Variants in EPHA7 observed in about 807,000 individuals in gnomAD.
EPHA7 encodes the protein ephrin type-A receptor 7.
In EPHA7, 25 loss-of-function variants were observed where a neutral mutation model predicts 112.6. That is an observed-to-expected ratio of 0.22 (90% confidence interval 0.16 to 0.31). The LOEUF (loss-of-function observed/expected upper bound fraction) is 0.31, where lower values mean the gene tolerates loss of function less well. Among genes scored for constraint, EPHA7 ranks in the 10% least tolerant of loss-of-function variants. The pLI is 1.00. For missense variants in EPHA7, 962 were observed against 1,212.6 expected (o/e 0.79, Z 3.07); for synonymous variants, 437 against 406.5 (o/e 1.07, Z -0.90).
chr6:93,259,270 T>G, intron 10 of EPHA7, 84 bp downstream of exon 10: 1 of 1,540,110 alleles, frequency 6.5e-7, no homozygotes, highest in Non-Finnish European at 8.9e-7. Context: ...ACTTGAGGGA[T>G]AATTATTTGC....
At chr6:93,349,052 T>C (rs1047915479) in intron 5 of EPHA7, among the ~76,000 whole-genome samples, 1 of 151,828 alleles carries the variant, frequency 6.6e-6, no homozygotes, top group African/African-American at 2.4e-5. Flanking sequence ...TGCAAACATA[T>C]GGGCCTTTAC....
At chr6:93,381,856 CA>C (rs1216772975) in intron 3 of EPHA7, among the ~76,000 whole-genome samples, 1 of 152,008 alleles carries the variant, frequency 6.6e-6, no homozygotes, top group Non-Finnish European at 1.5e-5. Context: ...CATCAGCAGT[CA>C]AATTTTTCAT....
chr6:93,358,160 A>G, intron 4 of EPHA7, 96 bp downstream of exon 4: 1 of 926,970 alleles, frequency 1.1e-6, no homozygotes, highest in Non-Finnish European at 1.5e-6. Flanking sequence ...ATAATTAAGA[A>G]TGTATCACAA....
chr6:93,413,721 T>G (rs1779089366), intron 2 of EPHA7, among the ~76,000 whole-genome samples: 1 of 152,028 alleles, frequency 6.6e-6, no homozygotes, highest in Admixed American at 6.5e-5. Flanking sequence ...ATGAAAACTC[T>G]AAATATCTTA....
At chr6:93,318,659 A>G (rs543959790) in intron 5 of EPHA7, among the ~76,000 whole-genome samples, 1 of 152,152 alleles carries the variant, frequency 6.6e-6, no homozygotes, top group African/African-American at 2.4e-5. Context: ...TTTGTTGTCT[A>G]TGGCATGACC....
At chr6:93,415,195 C>T (rs1254519958) in intron 1 of EPHA7, among the ~76,000 whole-genome samples, 1 of 151,830 alleles carries the variant, frequency 6.6e-6, no homozygotes, top group Non-Finnish European at 1.5e-5. Context: ...ATTCTGCCAG[C>T]AGTATTTTCT....
chr6:93,288,629 T>C (rs1772194461), intron 5 of EPHA7, among the ~76,000 whole-genome samples: 2 of 152,218 alleles, frequency 1.3e-5, no homozygotes. Context: ...ATCATTACCA[T>C]GACTTACTGT....
At chr6:93,287,857 A>G (rs1469520164) in intron 5 of EPHA7, among the ~76,000 whole-genome samples, 1 of 152,176 alleles carries the variant, frequency 6.6e-6, no homozygotes, top group Non-Finnish European at 1.5e-5. Context: ...TTATTAGGAA[A>G]ATACAGATTA....
chr6:93,393,146 C>A (rs1417547032), intron 3 of EPHA7, among the ~76,000 whole-genome samples: 3 of 151,876 alleles, frequency 2.0e-5, no homozygotes, highest in East Asian at 1.9e-4. Flanking sequence ...CTTTTTAAGA[C>A]CTGTTTTAAC....
At chr6:93,287,172 A>G (rs1772108386) in intron 5 of EPHA7, among the ~76,000 whole-genome samples, 1 of 152,222 alleles carries the variant, frequency 6.6e-6, no homozygotes, top group Non-Finnish European at 1.5e-5. Context: ...ATTCTTCCTG[A>G]AAGATTTTGT....
intron 1 of EPHA7, 56 bp downstream of exon 1, chr6:93,419,189 C>T: frequency 6.9e-7 from 1 of 1,458,756 alleles, no homozygotes; most frequent in South Asian, 1.2e-5. Flanking sequence ...CTGGCTTGTG[C>T]AGGTAGACAT....
chr6:93,283,825 C>T (rs930061442), intron 5 of EPHA7, among the ~76,000 whole-genome samples: 15 of 152,142 alleles, frequency 9.9e-5, no homozygotes, highest in Non-Finnish European at 2.1e-4. Context: ...AATATAGTTT[C>T]ACAGAACCTT....
At chr6:93,247,526 A>C (rs1770007863) in intron 14 of EPHA7, among the ~76,000 whole-genome samples, 1 of 152,160 alleles carries the variant, frequency 6.6e-6, no homozygotes, top group Non-Finnish European at 1.5e-5. Flanking sequence ...GTAAGACAGG[A>C]GCGAGGTTGT....
rs903648919 is a variant in EPHA7, at chr6:93,269,903, T to G, written c.1450-243A>C. Among the ~76,000 whole-genome samples the G allele has an allele frequency of 2.0e-5, 3 of 151,784 alleles. No homozygotes were observed. Among genetic ancestry groups the G allele is most frequent in the Admixed American group, 6.6e-5 (1 of 15,184 alleles). The stretch of plus-strand genomic sequence containing the variant: ...TAAAACATTTATGGTGTTTTTAGCT[T>G]TCGCAGAAGTAATATGTGACAAGAA... On this transcript the variant is annotated intron_variant, in intron 6 of 16. Coordinates refer to ENST00000369303, the MANE Select transcript of EPHA7 (RefSeq NM_004440.4).
chr6:93,396,087 G>A (rs1315036614), intron 3 of EPHA7, among the ~76,000 whole-genome samples: 1 of 151,884 alleles, frequency 6.6e-6, no homozygotes, highest in Non-Finnish European at 1.5e-5. Context: ...CAAACATCAT[G>A]TCAGCACAGA....
chr6:93,289,590 C>T (rs1311169605), intron 5 of EPHA7, among the ~76,000 whole-genome samples: 1 of 151,654 alleles, frequency 6.6e-6, no homozygotes, highest in South Asian at 2.1e-4. Context: ...CGCCACTGCA[C>T]TGGAGCCTGG....
chr6:93,332,168 G>T (rs907227488), intron 5 of EPHA7, among the ~76,000 whole-genome samples: 1 of 151,608 alleles, frequency 6.6e-6, no homozygotes, highest in Non-Finnish European at 1.5e-5. Flanking sequence ...TCAATTGCTT[G>T]TCAGCATCAT....
At chr6:93,262,014 TAAAAG>T (rs1770709277) in intron 9 of EPHA7, among the ~76,000 whole-genome samples, 1 of 151,376 alleles carries the variant, frequency 6.6e-6, no homozygotes, top group Admixed American at 6.6e-5. Context: ...GCTCAATAAA[TAAAAG>T]AAAAGTGACA....
Position 93,414,882 on chromosome 6 carries a change from T to C in EPHA7, c.98-115A>G, listed in dbSNP as rs745631118. ...TCACTATATGACTTAAGATCTGTAG[T>C]TATTTATGTAAATCAATGGTGAAAT... is the stretch of plus-strand genomic sequence containing the variant. On this transcript the variant is annotated intron_variant, in intron 1 of 16. Transcript: ENST00000369303. 56 of 774,708 alleles carry C rather than the reference T, an allele frequency of 7.2e-5. 1 individual carries two copies. Among genetic ancestry groups the C allele is most frequent in the Non-Finnish European group, 1.1e-4 (52 of 481,360 alleles). 48.0% of individuals were successfully genotyped at this position (774,708 alleles called of 1,614,324 possible).
Sources: allele counts gnomAD v4.1 joint callset (sites outside exome capture counted in the v4.1 genomes callset), GRCh38; gene constraint gnomAD v4.1.1; transcripts MANE v1.5; gene names NCBI Gene and HGNC (gene_info 2026-07-23, HGNC 2026-07-21).